Variants in SCHIP1 observed in about 807,000 individuals in gnomAD.
SCHIP1 encodes the protein schwannomin interacting protein 1.
SCHIP1 carries 8 observed loss-of-function variants against 29.7 expected under a neutral mutation model. The ratio of observed to expected loss-of-function variants is 0.27; its 90% CI spans 0.16 to 0.49. The LOEUF (loss-of-function observed/expected upper bound fraction) is 0.49. Among genes scored for constraint, SCHIP1 ranks in the 20% least tolerant of loss-of-function variants. The probability of loss-of-function intolerance (pLI) is 0.99; values close to 1 mark genes in which losing one functional copy is unlikely to be tolerated. For missense variants in SCHIP1, 193 were observed against 294.6 expected, an observed-to-expected ratio of 0.66 and a Z score of 2.52; for synonymous variants, 76 against 94.9, an observed-to-expected ratio of 0.80 and a Z score of 1.16.
At chr3:159,869,544 G>A (rs996773649) in intron 2 of SCHIP1, among the ~76,000 whole-genome samples, 1 of 151,774 alleles carries the variant, frequency 6.6e-6, no homozygotes, top group African/African-American at 2.4e-5. Context: ...TATGTTAATG[G>A]AAATATATTC....
chr3:159,295,800 T>C, the SCHIP1 span, among the ~76,000 whole-genome samples: 2 of 152,274 alleles, frequency 1.3e-5, no homozygotes, highest in Non-Finnish European at 2.9e-5. Flanking sequence ...ACGTGGTTGA[T>C]GTTGACCTTT....
At chr3:159,684,355 A>G in the SCHIP1 span, among the ~76,000 whole-genome samples, 1 of 152,132 alleles carries the variant, frequency 6.6e-6, no homozygotes, top group Non-Finnish European at 1.5e-5. Context: ...TCTCCTTACT[A>G]TCTCCTGACA....
chr3:159,606,712 A>G, the SCHIP1 span, among the ~76,000 whole-genome samples: 1 of 152,200 alleles, frequency 6.6e-6, no homozygotes, highest in Non-Finnish European at 1.5e-5. Flanking sequence ...TGAAACGACC[A>G]GATAAACAAT....
intron 5 of SCHIP1, among the ~76,000 whole-genome samples, chr3:159,891,722 G>A (rs1717563005): frequency 6.6e-6 from 1 of 152,152 alleles, no homozygotes; most frequent in Non-Finnish European, 1.5e-5. Context: ...GGCCCCTCCT[G>A]ACTGTCAGCG....
the SCHIP1 span, among the ~76,000 whole-genome samples, chr3:159,490,030 T>C: frequency 6.6e-6 from 1 of 152,172 alleles, no homozygotes; most frequent in Non-Finnish European, 1.5e-5. Context: ...TAATTGTATA[T>C]AATTTGAGTT....
the SCHIP1 span, among the ~76,000 whole-genome samples, chr3:159,379,658 T>C: frequency 6.8e-6 from 1 of 147,524 alleles, no homozygotes; most frequent in Admixed American, 6.8e-5. Flanking sequence ...ATAGACTTTT[T>C]CCTCAGGCCT....
At chr3:159,720,352 T>C in the SCHIP1 span, among the ~76,000 whole-genome samples, 3 of 151,906 alleles carry the variant, frequency 2.0e-5, no homozygotes, top group Non-Finnish European at 4.4e-5. Context: ...ACCTGCACAT[T>C]GTGCACATGC....
rs1379984679 is a variant in SCHIP1, at chr3:159,867,979, ATATATATATATAAATCAATGATT to A, written c.149+1723_149+1745del. Among the ~76,000 whole-genome samples, 948 of 146,076 alleles carry A rather than the reference ATATATATATATAAATCAATGATT, an allele frequency of 6.5e-3. 11 individuals are homozygous for A. The highest frequency in any genetic ancestry group is 0.019 in the African/African-American group (736 of 38,444). On this transcript the variant is annotated intron_variant, in intron 2 of 6. Transcript: ENST00000445224. ...TTGATTTTGAAAATCAGTGATTTAT[ATATATATATATAAATCAATGATT>A]TATATATATATAAATCAATGATTTT...
At chr3:159,755,308 G>A in the SCHIP1 span, among the ~76,000 whole-genome samples, 1 of 152,200 alleles carries the variant, frequency 6.6e-6, no homozygotes, top group Non-Finnish European at 1.5e-5. Flanking sequence ...CGCAATCATG[G>A]CAGCAGGGAA....
At chr3:159,466,334 A>T in the SCHIP1 span, among the ~76,000 whole-genome samples, 1 of 152,086 alleles carries the variant, frequency 6.6e-6, no homozygotes, top group Non-Finnish European at 1.5e-5. Context: ...AAAGAAAAAA[A>T]AGAACATGAG....
the SCHIP1 span, chr3:159,274,444 G>T: frequency 1.2e-6 from 1 of 837,648 alleles, no homozygotes; most frequent in Non-Finnish European, 1.4e-6. Flanking sequence ...ATTATAAGTA[G>T]AAATAACAGA....
chr3:159,823,481 G>A, the SCHIP1 span, among the ~76,000 whole-genome samples: 27 of 152,090 alleles, frequency 1.8e-4, no homozygotes, highest in African/African-American at 5.1e-4. Context: ...TAATCCTATG[G>A]TAGAGCTCAG....
the SCHIP1 span, among the ~76,000 whole-genome samples, chr3:159,380,653 C>G: frequency 2.0e-5 from 3 of 152,100 alleles, no homozygotes; most frequent in South Asian, 6.2e-4. Flanking sequence ...TAGCACCTGC[C>G]AAGTGCCAGG....
the SCHIP1 span, among the ~76,000 whole-genome samples, chr3:159,397,489 A>T: frequency 6.6e-6 from 1 of 151,912 alleles, no homozygotes; most frequent in Non-Finnish European, 1.5e-5. Context: ...TGATGTACAG[A>T]TGGGTTTTTC....
chr3:159,565,358 C>A, the SCHIP1 span, among the ~76,000 whole-genome samples: 4 of 152,314 alleles, frequency 2.6e-5, no homozygotes, highest in East Asian at 7.7e-4. Flanking sequence ...TTTTCTTCAA[C>A]TCATCAGCCC....
At chr3:159,801,099 G>C in the SCHIP1 span, among the ~76,000 whole-genome samples, 1 of 151,694 alleles carries the variant, frequency 6.6e-6, no homozygotes, top group African/African-American at 2.4e-5. Flanking sequence ...CCCAGTCCTG[G>C]GTCCTTTAGT....
chr3:159,449,353 T>A, the SCHIP1 span, among the ~76,000 whole-genome samples: 69 of 152,130 alleles, frequency 4.5e-4, no homozygotes, highest in African/African-American at 1.6e-3. Context: ...AGAGGGAAGG[T>A]CTCCTTGACA....
At chr3:159,624,750 C>T in the SCHIP1 span, among the ~76,000 whole-genome samples, 1 of 152,156 alleles carries the variant, frequency 6.6e-6, no homozygotes, top group African/African-American at 2.4e-5. Flanking sequence ...TAAGAACCAC[C>T]ATGACCCAGA....
the SCHIP1 span, among the ~76,000 whole-genome samples, chr3:159,302,674 A>G: frequency 6.6e-6 from 1 of 152,212 alleles, no homozygotes; most frequent in Non-Finnish European, 1.5e-5. Flanking sequence ...GTGTGTGCAT[A>G]ATGTTGCCTG....
Sources: allele counts gnomAD v4.1 joint callset (sites outside exome capture counted in the v4.1 genomes callset), GRCh38; gene constraint gnomAD v4.1.1; transcripts MANE v1.5; gene names NCBI Gene and HGNC (gene_info 2026-07-23, HGNC 2026-07-21).